Variants in NIN observed in about 807,000 individuals in gnomAD.
NIN encodes ninein, also known as glycogen synthase kinase 3 beta-interacting protein.
A neutral mutation model predicts 257.6 loss-of-function variants in NIN; 137 were observed. The ratio of observed to expected loss-of-function variants is 0.53; its 90% CI spans 0.46 to 0.61. The LOEUF (loss-of-function observed/expected upper bound fraction) is 0.61, where lower values mean the gene tolerates loss of function less well. NIN is among the 20% of genes least tolerant of loss of function. The probability of loss-of-function intolerance (pLI) is 0.00; values close to 1 mark genes in which losing one functional copy is unlikely to be tolerated. For missense variants in NIN, 2,439 were observed against 2,501.2 expected, an observed-to-expected ratio of 0.98 and a Z score of 0.53; for synonymous variants, 918 against 919.8, an observed-to-expected ratio of 1.00 and a Z score of 0.04.
chr14:50,746,260 A>C (rs1041493307), intron 22 of NIN, among the ~76,000 whole-genome samples: 4 of 152,200 alleles, frequency 2.6e-5, no homozygotes, highest in African/African-American at 9.6e-5. Context: ...AATTAGGATA[A>C]AGTTGGTAAT....
intron 5 of NIN, among the ~76,000 whole-genome samples, chr14:50,791,364 T>C (rs2043582223): frequency 1.3e-5 from 2 of 152,174 alleles, no homozygotes; most frequent in African/African-American, 4.8e-5. Flanking sequence ...CTCCTGAAAC[T>C]GTTCTCAGCT....
intron 12 of NIN, among the ~76,000 whole-genome samples, chr14:50,768,588 G>A (rs944969034): frequency 2.6e-5 from 4 of 152,076 alleles, no homozygotes; most frequent in African/African-American, 9.7e-5. Context: ...GAGGCACGGG[G>A]AGAGCTGGGG....
chr14:50,794,503 T>C, intron 4 of NIN: 5 of 997,750 alleles, frequency 5.0e-6, no homozygotes, highest in Non-Finnish European at 6.0e-6. Context: ...GAGCTACTTG[T>C]TGGCAGCTGA....
At position 50,719,797 on chromosome 14, in the gene NIN, G is replaced by C. The variant is rs972034345; in HGVS notation, c.*3666C>G. 1.6e-5 allele frequency: 3 copies of C among 188,264 alleles called. No individual in the cohort carries two copies. Among genetic ancestry groups the C allele is most frequent in the Non-Finnish European group, 3.4e-5 (3 of 89,334 alleles). 11.7% of individuals were successfully genotyped at this position (188,264 alleles called of 1,614,324 possible). ...CACTGAAACTTTATTAAAAGGTCAG[G>C]GTATATAGAAAACAAAAGGCATGTT... On this transcript the variant is annotated 3_prime_UTR_variant, in exon 31 of 31. Coordinates refer to ENST00000530997, the MANE Select transcript of NIN (RefSeq NM_020921.4).
At chr14:50,774,514 A>C (rs554555577) in intron 7 of NIN, among the ~76,000 whole-genome samples, 1 of 152,360 alleles carries the variant, frequency 6.6e-6, no homozygotes, top group South Asian at 2.1e-4. Flanking sequence ...GGATCAAATC[A>C]ATGGAAAGAT....
In NIN at chr14:50,741,607, T is replaced by C. The variant is rs754205753; in HGVS notation, c.5423A>G (p.Lys1808Arg). Reference protein sequence around the residue: ...ALKQEVMSLHKQLQNAGGKSW... With the variant: ...ALKQEVMSLHRQLQNAGGKSW... ...CTTGCCACCAGCATTCTGAAGTTGC[T>C]TATGTAAAGACATCACTTCTTGTTT... The change falls in exon 25 of 31, where the codon AAG becomes AGG. Residue 1808 changes from lysine (K) to arginine (R), a missense_variant. Lys to Arg is a conservative substitution (Grantham distance 26). Coordinates refer to ENST00000530997, the MANE Select transcript of NIN (RefSeq NM_020921.4). The C allele has an allele frequency of 1.1e-5, 18 of 1,614,072 alleles. No homozygotes were observed. The highest frequency in any genetic ancestry group is 1.4e-5 in the Non-Finnish European group (17 of 1,180,006).
rs142242110 is a variant in NIN at position 50,724,904 on chromosome 14, T to C, written c.6192+1049A>G. ...AATATGTCTTTCTCTTGTGTTCTCCTCTACTGAAAACAGGACGGATCCCAC... is the reference window on the plus strand; with the variant it reads ...AATATGTCTTTCTCTTGTGTTCTCCCCTACTGAAAACAGGACGGATCCCAC... On this transcript the variant is annotated intron_variant, in intron 30 of 30. Coordinates refer to ENST00000530997, the MANE Select transcript of NIN (RefSeq NM_020921.4). 2.2e-4 allele frequency among the ~76,000 whole-genome samples: 34 copies of C among 152,302 alleles called. No homozygotes were observed. In the East Asian group the frequency reaches 6.6e-3, roughly 29 times the overall value.
At chr14:50,830,111 G>C (rs146095893) in intron 2 of NIN, among the ~76,000 whole-genome samples, 1 of 152,304 alleles carries the variant, frequency 6.6e-6, no homozygotes, top group East Asian at 1.9e-4. Flanking sequence ...ATTTCCCCAT[G>C]CAGTTTCCTC....
At chr14:50,791,436 C>T (rs1329050798) in intron 5 of NIN, among the ~76,000 whole-genome samples, 2 of 151,904 alleles carry the variant, frequency 1.3e-5, no homozygotes, top group Non-Finnish European at 2.9e-5. Flanking sequence ...ACTCTTATAC[C>T]ACTTTTGTGG....
At chr14:50,758,796 C>T (rs2042150676) in intron 17 of NIN, among the ~76,000 whole-genome samples, 166 bp from the exon 18 acceptor site, 1 of 152,224 alleles carries the variant, frequency 6.6e-6, no homozygotes, top group South Asian at 2.1e-4. Flanking sequence ...GGAAAGGGAT[C>T]TCATTTCTGA....
rs1348032914 is a variant in NIN at position 50,821,992 on chromosome 14, G to A, written c.65C>T (p.Thr22Met). The part of the protein sequence containing the change: ...RLKELFDSFD[T>M]TGTGSLGQEE... The stretch of plus-strand genomic sequence containing the variant: ...CTGCCCCAGGGACCCTGTGCCCGTC[G>A]TGTCAAAACTGTCAAACAGCTCCTT... Residue 22 changes from threonine to methionine, a missense_variant, in exon 3 of 31, where the codon ACG becomes ATG. This residue lies in a region of NIN where 387 missense variants were observed against 427.3 expected (regional missense o/e 0.91). Transcript: ENST00000530997. 20 of 1,614,018 alleles carry A rather than the reference G, an allele frequency of 1.2e-5. No homozygotes were observed. The highest frequency in any genetic ancestry group is 4.4e-5 in the South Asian group (4 of 91,080).
At chr14:50,750,773 G>A (rs776495515) in intron 21 of NIN, among the ~76,000 whole-genome samples, 3 of 152,124 alleles carry the variant, frequency 2.0e-5, no homozygotes, top group Non-Finnish European at 4.4e-5. Flanking sequence ...TTATTCTGGG[G>A]GTAAGTGAAG....
intron 2 of NIN, among the ~76,000 whole-genome samples, chr14:50,825,488 A>G (rs1031069022): frequency 6.6e-6 from 1 of 152,232 alleles, no homozygotes; most frequent in African/African-American, 2.4e-5. Context: ...TAAGTACTTT[A>G]TGTATATCAT....
chr14:50,727,518 A>G (rs1487503683), intron 29 of NIN: 2 of 1,218,082 alleles, frequency 1.6e-6, no homozygotes, highest in African/African-American at 3.1e-5. Context: ...ACATAAATAA[A>G]TAAGAGACAT....
chr14:50,788,545 C>A (rs2043440857), intron 5 of NIN, among the ~76,000 whole-genome samples: 1 of 152,056 alleles, frequency 6.6e-6, no homozygotes, highest in Admixed American at 6.6e-5. Flanking sequence ...AGGAGAAGGC[C>A]CTCCAAATAA....
intron 3 of NIN, among the ~76,000 whole-genome samples, chr14:50,811,544 C>CTT (rs55734117): frequency 0.29 from 21,346 of 74,882 alleles, 3,385 homozygotes; most frequent in Non-Finnish European, 0.35. Flanking sequence ...AATGGTCAAG[C>CTT]TTTTTTTTTT....
At chr14:50,810,230 CAAAAAAA>C (rs57511926) in intron 3 of NIN, among the ~76,000 whole-genome samples, 4 of 73,094 alleles carry the variant, frequency 5.5e-5, no homozygotes, top group Non-Finnish European at 1.2e-4. Context: ...GACTCCGTCT[CAAAAAAA>C]AAAAAAAAAA....
intron 5 of NIN, among the ~76,000 whole-genome samples, chr14:50,781,017 A>G (rs1032805839): frequency 1.3e-5 from 2 of 152,198 alleles, no homozygotes; most frequent in Admixed American, 6.5e-5. Flanking sequence ...TTGTTTTCAC[A>G]TAAGAAATTT....
chr14:50,777,095 T>C lies in NIN; in HGVS notation c.520A>G (p.Ser174Gly). The change falls in exon 7 of 31, where the codon AGT (serine) becomes GGT (glycine). Residue 174 changes from serine (S) to glycine (G), a missense_variant. Ser to Gly is a moderately conservative substitution (Grantham distance 56, BLOSUM62 0). Transcript: ENST00000530997. ...WNPDDLNASQ[S>G]GSSPPQDWIE... is the part of the protein sequence containing the mutation. ...CAGTCTTGGGGAGGGGAAGATCCAC[T>C]CTGTGAAGCATTCAAGTCATCTGGG... 1 of 1,613,838 alleles carries C rather than the reference T, an allele frequency of 6.2e-7. No homozygotes were observed. The highest frequency in any genetic ancestry group is 8.5e-7 in the Non-Finnish European group (1 of 1,179,898).
Sources: allele counts gnomAD v4.1 joint callset (sites outside exome capture counted in the v4.1 genomes callset), GRCh38; gene constraint gnomAD v4.1.1; regional missense constraint gnomAD v4.1.1; transcripts MANE v1.5; gene names NCBI Gene and HGNC (gene_info 2026-07-23, HGNC 2026-07-21).